OPCML: variants seen among roughly 807,000 people sequenced by gnomAD.
The protein encoded by OPCML is opioid binding protein/cell adhesion molecule like.
In OPCML, 13 loss-of-function variants were observed where a neutral mutation model predicts 37.8. The ratio of observed to expected loss-of-function variants is 0.34; its 90% CI spans 0.22 to 0.55. The LOEUF (loss-of-function observed/expected upper bound fraction) is 0.55, where lower values mean the gene tolerates loss of function less well. Among genes scored for constraint, OPCML ranks in the 20% least tolerant of loss-of-function variants. The pLI, the probability that OPCML is intolerant of heterozygous loss-of-function variation, is 0.91. For missense variants in OPCML, 341 were observed against 435.6 expected, an observed-to-expected ratio of 0.78 and a Z score of 1.93; for synonymous variants, 176 against 168.8, an observed-to-expected ratio of 1.04 and a Z score of -0.33.
intron 1 of OPCML, among the ~76,000 whole-genome samples, chr11:133,528,304 T>C (rs554688256): frequency 2.0e-5 from 3 of 152,230 alleles, no homozygotes; most frequent in African/African-American, 7.2e-5. Flanking sequence ...ATGTCGATCA[T>C]TTTTAAGGGA....
intron 1 of OPCML, among the ~76,000 whole-genome samples, chr11:133,249,782 T>C (rs970798059): frequency 2.6e-5 from 4 of 152,230 alleles, no homozygotes; most frequent in South Asian, 2.1e-4. Context: ...TATAGCACTC[T>C]AGAATGTCAC....
chr11:132,764,535 T>G (rs948200718), intron 2 of OPCML, among the ~76,000 whole-genome samples: 1 of 152,228 alleles, frequency 6.6e-6, no homozygotes, highest in Non-Finnish European at 1.5e-5. Flanking sequence ...ACTCATAACA[T>G]GTTGATACCA....
At chr11:132,745,203 T>C (rs1285086983) in intron 2 of OPCML, among the ~76,000 whole-genome samples, 1 of 152,198 alleles carries the variant, frequency 6.6e-6, no homozygotes, top group African/African-American at 2.4e-5. Context: ...TGCTGCTTCA[T>C]GCCAAGGCTT....
chr11:132,858,802 G>A (rs962812333), intron 2 of OPCML, among the ~76,000 whole-genome samples: 10 of 152,122 alleles, frequency 6.6e-5, no homozygotes, highest in Admixed American at 5.2e-4. Flanking sequence ...CTAAAAGTAC[G>A]TTCGCAAACC....
rs537428371 is a variant in OPCML, at chr11:133,097,383, C to T, written c.62-154373G>A. On this transcript the variant is annotated intron_variant, in intron 1 of 7. Transcript: ENST00000524381. ...TGGAACTTATCACATGCGTGTGATG[C>T]ACGTAAAGCATGCTTAGATGGAGAT... Among the ~76,000 whole-genome samples, 5 of 152,258 alleles carry T rather than the reference C, an allele frequency of 3.3e-5. No individual in the cohort carries two copies. The South Asian group carries it at 1.0e-3, about 32-fold the overall frequency.
At chr11:132,881,023 C>T (rs969161005) in intron 2 of OPCML, among the ~76,000 whole-genome samples, 12 of 152,320 alleles carry the variant, frequency 7.9e-5, no homozygotes, top group Non-Finnish European at 7.3e-5. Flanking sequence ...TCTGACCTTA[C>T]GACTCTGTGG....
chr11:132,658,061 CA>C (rs1941789507), intron 2 of OPCML, among the ~76,000 whole-genome samples: 1 of 152,184 alleles, frequency 6.6e-6, no homozygotes, highest in Non-Finnish European at 1.5e-5. Context: ...GCTATGAACA[CA>C]AACAAGGCCT....
At chr11:132,777,835 C>A (rs774257680) in intron 2 of OPCML, among the ~76,000 whole-genome samples, 1 of 152,100 alleles carries the variant, frequency 6.6e-6, no homozygotes, top group Non-Finnish European at 1.5e-5. Context: ...TGTTTAAAGG[C>A]GCAGACCACT....
chr11:132,999,900 A>G (rs1158314564), intron 1 of OPCML, among the ~76,000 whole-genome samples: 2 of 152,114 alleles, frequency 1.3e-5, no homozygotes, highest in East Asian at 3.9e-4. Flanking sequence ...TCTACCCAAA[A>G]CGCATCCCCC....
intron 3 of OPCML, among the ~76,000 whole-genome samples, chr11:132,621,882 A>G (rs918135384): frequency 7.2e-5 from 11 of 152,212 alleles, no homozygotes; most frequent in African/African-American, 2.2e-4. Flanking sequence ...GGATGTGTCC[A>G]CTAAAATCTT....
intron 1 of OPCML, among the ~76,000 whole-genome samples, chr11:133,480,013 G>A (rs1339658192): frequency 6.6e-6 from 1 of 152,142 alleles, no homozygotes; most frequent in Non-Finnish European, 1.5e-5. Flanking sequence ...TTTCTAAAAG[G>A]GGCAGTGCCT....
chr11:132,715,421 T>C (rs1388222870), intron 2 of OPCML, among the ~76,000 whole-genome samples: 2 of 152,178 alleles, frequency 1.3e-5, no homozygotes, highest in East Asian at 3.9e-4. Context: ...TATCCTCAGC[T>C]CTGCTACTGC....
At chr11:133,011,498 T>G (rs1016496429) in intron 1 of OPCML, among the ~76,000 whole-genome samples, 2 of 152,150 alleles carry the variant, frequency 1.3e-5, no homozygotes, top group African/African-American at 4.8e-5. Flanking sequence ...TTACCCAGAG[T>G]TGACATGCTA....
intron 3 of OPCML, among the ~76,000 whole-genome samples, chr11:132,599,142 G>A (rs79097085): frequency 0.15 from 22,604 of 152,140 alleles, 2,243 homozygotes; most frequent in East Asian, 0.45. Context: ...AGCCAGGAGT[G>A]GTGGCATATG....
At chr11:132,996,537 GGGATGCAGAAGGCAGA>G (rs1946890569) in intron 1 of OPCML, among the ~76,000 whole-genome samples, 1 of 151,156 alleles carries the variant, frequency 6.6e-6, no homozygotes. Flanking sequence ...GCTTGAACCC[GGGATGCAGAAGGCAGA>G]GGTTGCAGTG....
At chr11:133,366,950 A>G (rs1944554088) in intron 1 of OPCML, among the ~76,000 whole-genome samples, 1 of 152,086 alleles carries the variant, frequency 6.6e-6, no homozygotes, top group African/African-American at 2.4e-5. Context: ...CTCACCCCTC[A>G]TGTCTTCTCC....
chr11:133,052,314 A>C (rs145280586), intron 1 of OPCML, among the ~76,000 whole-genome samples: 16 of 152,338 alleles, frequency 1.1e-4, no homozygotes, highest in African/African-American at 3.8e-4. Flanking sequence ...TTATAGAATA[A>C]TCATTTGAGG....
At chr11:132,935,396 T>G (rs550191205) in intron 2 of OPCML, among the ~76,000 whole-genome samples, 1 of 152,340 alleles carries the variant, frequency 6.6e-6, no homozygotes, top group African/African-American at 2.4e-5. Flanking sequence ...ATTGCTGGTG[T>G]ATAGCATTTT....
intron 1 of OPCML, among the ~76,000 whole-genome samples, chr11:133,038,252 A>T (rs988763302): frequency 2.6e-5 from 4 of 152,294 alleles, no homozygotes; most frequent in Admixed American, 2.6e-4. Flanking sequence ...TTTGGTCCCA[A>T]TCAGCTCCTG....
Sources: gnomAD v4.1 joint callset for allele counts (sites outside exome capture counted in the v4.1 genomes callset) on GRCh38, gnomAD v4.1.1 for gene constraint, MANE v1.5 for transcripts, NCBI Gene and HGNC (gene_info 2026-07-23, HGNC 2026-07-21) for gene names.